NODAL: variants seen among roughly 807,000 people sequenced by gnomAD.
NODAL encodes the protein nodal growth differentiation factor.
Under a neutral mutation model 34.0 loss-of-function variants are expected in NODAL, and 12 were observed. The observed-to-expected ratio is 0.35, with a 90% CI of 0.23 to 0.57. The LOEUF (loss-of-function observed/expected upper bound fraction) is 0.57, where lower values mean the gene tolerates loss of function less well. Ranked by LOEUF, NODAL falls within the 20% of genes least tolerant of loss-of-function variation. The probability of loss-of-function intolerance (pLI) is 0.83; values close to 1 mark genes in which losing one functional copy is unlikely to be tolerated. For synonymous variants in NODAL, 162 were observed against 186.4 expected (o/e 0.87, Z 1.07); for missense variants, 390 against 444.2 (o/e 0.88, Z 1.10).
chr10:70,447,897 G>A (rs1373129957), intron 1 of NODAL: 1 of 471,110 alleles, frequency 2.1e-6, no homozygotes, highest in Non-Finnish European at 4.4e-6. Flanking sequence ...CATAAAGGCA[G>A]GTCTAAGACA....
At position 70,446,865 on chromosome 10, in the gene NODAL, T is replaced by C. The variant is rs536460948; in HGVS notation, c.28+1059A>G. On this transcript the variant is annotated intron_variant, in intron 1 of 2. Transcript: ENST00000414871. ...CTCCTGGCACACAGGTACCAGTAAG[T>C]ATTTGCTAAGTGATTGAACCCCATA... is the stretch of plus-strand genomic sequence containing the variant. 2.4e-4 allele frequency among the ~76,000 whole-genome samples: 36 copies of C among 152,104 alleles called. No individual in the cohort carries two copies. In the South Asian group the frequency reaches 7.1e-3, roughly 30 times the overall value.
rs563120968 is a variant in NODAL at position 70,441,640 on chromosome 10, G to A, written c.28C>T (p.Leu10=). The A allele has an allele frequency of 6.4e-7, 1 of 1,551,010 alleles. No individual in the cohort carries two copies. The highest frequency in any genetic ancestry group is 1.4e-5 in the African/African-American group (1 of 73,156). ...TGGAGTAGGGCCCACCAGGCGTGCA[G>A]AAGGAAGGGCAGGCAGTGGGCGTGC... MHAHCLPFL[L]HAWWALLQAG... The change falls in exon 1 of 3, where the codon CTG becomes TTG. Residue 10 remains leucine, a synonymous_variant. Transcript: ENST00000287139.
upstream of NODAL, among the ~76,000 whole-genome samples, chr10:70,442,178 A>G (rs1220591576): frequency 1.3e-5 from 2 of 152,242 alleles, no homozygotes; most frequent in Non-Finnish European, 2.9e-5. Flanking sequence ...GCCACTGTCT[A>G]GATGGCCTCG....
chr10:70,433,179 T>TA (rs1400786614), intron 2 of NODAL, 91 bp from the exon 3 acceptor site: 95 of 1,483,982 alleles, frequency 6.4e-5, no homozygotes, highest in Non-Finnish European at 8.3e-5. Context: ...GTTACGGAGT[T>TA]AAAGTCAGTT....
chr10:70,435,218 C>G (rs1845328057), intron 2 of NODAL, 68 bp downstream of exon 2: 4 of 1,358,290 alleles, frequency 2.9e-6, no homozygotes, highest in African/African-American at 2.9e-5. Context: ...CATTTAATAG[C>G]AAAGCTAGAG....
rs751938859 is a variant in NODAL at position 70,435,554 on chromosome 10, C to T, written c.623G>A (p.Gly208Asp). The change falls in exon 2 of 3, where the codon GGT becomes GAT. Residue 208 changes from glycine (G) to aspartate (D), a missense_variant. By Grantham distance (94) the Gly-to-Asp change is moderately conservative. Transcript: ENST00000287139. ...SNLSQEQRQL[G>D]GSTLLWEAES... ...GGCTTCCCACAGCAAGGTGGACCCA[C>T]CCAGCTGCCTCTGCTCCTGCGAGAG... 9 of 1,613,992 alleles carry T rather than the reference C, an allele frequency of 5.6e-6. No homozygotes were observed. The highest frequency in any genetic ancestry group is 7.6e-6 in the Non-Finnish European group (9 of 1,180,044).
intron 1 of NODAL, among the ~76,000 whole-genome samples, chr10:70,436,863 G>A (rs914391061): frequency 3.3e-5 from 5 of 152,172 alleles, no homozygotes; most frequent in African/African-American, 9.7e-5. Context: ...AGTGGGAGTT[G>A]CCCCTTTACA....
chr10:70,441,539 G>A lies in NODAL; in HGVS notation c.129C>T (p.Tyr43=). ...GQPSSPSPLA[Y]MLSLYRDPLP... ...GCGGGTCGCGGTAGAGGCTCAGCAT[G>A]TACGCCAGAGGGGATGGCGACGAGG... The change falls in exon 1 of 3, where the codon TAC becomes TAT. Residue 43 remains tyrosine (Y), a synonymous_variant. Transcript: ENST00000287139. 6.3e-7 allele frequency: 1 copy of A among 1,594,058 alleles called. No homozygotes were observed. The highest frequency in any genetic ancestry group is 2.3e-5 in the East Asian group (1 of 43,688).
In NODAL at chr10:70,435,764, G is replaced by A. The variant is rs776830054; in HGVS notation, c.413C>T (p.Thr138Ile). The A allele has an allele frequency of 9.9e-6, 16 of 1,614,078 alleles. No homozygotes were observed. Among genetic ancestry groups the A allele is most frequent in the African/African-American group, 1.3e-5 (1 of 74,930 alleles). Residue 138 changes from threonine (T) to isoleucine (I), a missense_variant, in exon 2 of 3, where the codon ACT (threonine) becomes ATT (isoleucine). Thr to Ile is a moderately conservative substitution (Grantham distance 89). Coordinates refer to ENST00000287139, the MANE Select transcript of NODAL (RefSeq NM_018055.5). Reference protein sequence around the residue: ...CLERFQMDLFTVTLSQVTFSL... With the variant: ...CLERFQMDLFIVTLSQVTFSL... ...AAAGGTGACCTGGGACAAAGTGACA[G>A]TGAATAGGTCCATCTGAAACCGCTC...
intron 1 of NODAL, chr10:70,436,558 C>CGAAAAA (rs1845357369): frequency 1.0e-5 from 1 of 96,858 alleles, no homozygotes; most frequent in African/African-American, 4.0e-5. Context: ...AACTCTGTCT[C>CGAAAAA]AAAAAAAAAA....
Position 70,432,031 on chromosome 10 carries a change from A to C in NODAL, c.*905T>G, listed in dbSNP as rs994554557. The stretch of plus-strand genomic sequence containing the variant: ...TTTTACAAGTGGAGACTGGACAGTG[A>C]ATTGCTCACCTGAGGTCGCACAGCT... On this transcript the variant is annotated 3_prime_UTR_variant, in exon 3 of 3. Coordinates refer to ENST00000287139, the MANE Select transcript of NODAL (RefSeq NM_018055.5). Among the ~76,000 whole-genome samples the C allele has an allele frequency of 3.9e-5, 6 of 152,232 alleles. No individual in the cohort carries two copies. Among genetic ancestry groups the C allele is most frequent in the African/African-American group, 1.2e-4 (5 of 41,466 alleles).
Position 70,432,838 on chromosome 10 carries a change from C to T in NODAL, c.*98G>A. ...TGGTGGGCAGAGCAACTTTGCCCCT[C>T]TCTGTTTCTCCTTACTGGATTAGAT... On this transcript the variant is annotated 3_prime_UTR_variant, in exon 3 of 3. Transcript: ENST00000287139. 1 of 1,473,740 alleles carries T rather than the reference C, an allele frequency of 6.8e-7. No homozygotes were observed. The highest frequency in any genetic ancestry group is 9.5e-7 in the Non-Finnish European group (1 of 1,058,076). The allele number at this position is 1,473,740 out of a possible 1,614,324, so 91.3% of individuals were successfully genotyped here. A position where few individuals can be genotyped will look rare whatever the true frequency, so the allele number is the denominator to read the frequency against.
rs774912401 is a variant in NODAL at position 70,435,620 on chromosome 10, G to A, written c.557C>T (p.Thr186Ile). ...VAGECWPRPP[T>I]PPATNVLLML... Reference sequence around the variant, plus strand: ...AAGGAGCACATTGGTGGCAGGCGGTGTGGGGGGCCGCGGCCAGCACTCTCC... The same window carrying A: ...AAGGAGCACATTGGTGGCAGGCGGTATGGGGGGCCGCGGCCAGCACTCTCC... Residue 186 changes from threonine to isoleucine, a missense_variant, in exon 2 of 3, where the codon ACA becomes ATA. By Grantham distance (89) the Thr-to-Ile change is moderately conservative. Coordinates refer to ENST00000287139, the MANE Select transcript of NODAL (RefSeq NM_018055.5). 1 of 1,613,980 alleles carries A rather than the reference G, an allele frequency of 6.2e-7. No homozygotes were observed. The highest frequency in any genetic ancestry group is 1.1e-5 in the South Asian group (1 of 91,078).
chr10:70,437,556 T>G (rs1845372423), intron 1 of NODAL, among the ~76,000 whole-genome samples: 1 of 152,172 alleles, frequency 6.6e-6, no homozygotes, highest in African/African-American at 2.4e-5. Context: ...CCCAGAGAAA[T>G]AAAGAGGTTT....
At chr10:70,445,288 C>T (rs967659843), upstream of NODAL, among the ~76,000 whole-genome samples, 4 of 152,130 alleles carry the variant, frequency 2.6e-5, no homozygotes, top group East Asian at 3.8e-4. Context: ...GACGGAGTCT[C>T]GCTCTGTCGC....
chr10:70,445,058 G>T (rs925791018), upstream of NODAL, among the ~76,000 whole-genome samples: 1 of 152,128 alleles, frequency 6.6e-6, no homozygotes, highest in Non-Finnish European at 1.5e-5. Flanking sequence ...AGATGGAGGT[G>T]CAGGAGTCAG....
Position 70,441,511 on chromosome 10 carries a change from G to T in NODAL, c.157C>A (p.Pro53Thr). The T allele has an allele frequency of 6.3e-7, 1 of 1,594,442 alleles. No homozygotes were observed. Residue 53 changes from proline to threonine, a missense_variant, in exon 1 of 3, where the codon CCG (proline) becomes ACG (threonine). Pro to Thr is a conservative substitution (Grantham distance 38). Transcript: ENST00000287139. ...AGGCTGCGGATGATGTCTGCCCTCGGCAGCGGGTCGCGGTAGAGGCTCAGC... is the reference window on the plus strand; with the variant it reads ...AGGCTGCGGATGATGTCTGCCCTCGTCAGCGGGTCGCGGTAGAGGCTCAGC... ...YMLSLYRDPL[P>T]RADIIRSLQA...
At position 70,432,626 on chromosome 10, in the gene NODAL, T is replaced by C. The variant is rs914024874; in HGVS notation, c.*310A>G. On this transcript the variant is annotated 3_prime_UTR_variant, in exon 3 of 3. Transcript: ENST00000287139. ...ACAGTTTCGGGGGGTTCACAGGTTT[T>C]TAAAAAATCCAGTAAAGAACTCATG... 6.5e-5 allele frequency: 27 copies of C among 412,868 alleles called. No individual in the cohort carries two copies. Among genetic ancestry groups the C allele is most frequent in the Non-Finnish European group, 1.4e-5 (3 of 219,488 alleles). The allele number at this position is 412,868 out of a possible 1,614,324, so 25.6% of individuals were successfully genotyped here.
At chr10:70,435,079 C>T (rs1589152095) in intron 2 of NODAL, 1 of 590,292 alleles carries the variant, frequency 1.7e-6, no homozygotes, top group Non-Finnish European at 3.0e-6. Context: ...TCAAGGCTAC[C>T]CAGTGACGCA....
Sources: gnomAD v4.1 joint callset for allele counts (sites outside exome capture counted in the v4.1 genomes callset) on GRCh38, gnomAD v4.1.1 for gene constraint, MANE v1.5 for transcripts, NCBI Gene and HGNC (gene_info 2026-07-23, HGNC 2026-07-21) for gene names.